Variants in MED21 observed in about 807,000 individuals in gnomAD.
The protein encoded by MED21 is mediator complex subunit 21, also known as mediator of RNA polymerase II transcription subunit 21.
In MED21, 9 loss-of-function variants were observed where a neutral mutation model predicts 18.2. That is an observed-to-expected ratio of 0.49 (90% confidence interval 0.30 to 0.86). MED21 has a LOEUF of 0.86. MED21 is among the 40% of genes least tolerant of loss of function. The pLI is 0.07. For synonymous variants in MED21, 73 were observed against 60.5 expected (o/e 1.21, Z -0.96); for missense variants, 150 against 170.9 (o/e 0.88, Z 0.68).
In MED21 at chr12:27,027,532, C is replaced by G. The variant is rs1399917108; in HGVS notation, c.258+85C>G. On this transcript the variant is annotated intron_variant, in intron 3 of 3. Transcript: ENST00000282892. Reference sequence around the variant, plus strand: ...TAGATTTAGTACCTTTTGTCTGTGTCCATTTGTGCTGCTATAACAACATAC... The same window carrying G: ...TAGATTTAGTACCTTTTGTCTGTGTGCATTTGTGCTGCTATAACAACATAC... 54 of 912,788 alleles carry G rather than the reference C, an allele frequency of 5.9e-5. No individual in the cohort carries two copies. In the South Asian group the frequency reaches 8.0e-4, roughly 14 times the overall value. 56.5% of individuals were successfully genotyped at this position (912,788 alleles called of 1,614,324 possible).
chr12:27,034,214 A>C (rs1941636133), downstream of MED21, among the ~76,000 whole-genome samples: 1 of 152,110 alleles, frequency 6.6e-6, no homozygotes, highest in Non-Finnish European at 1.5e-5. Flanking sequence ...TCAGGTGTTC[A>C]AGACCAGCCT....
chr12:27,034,983 T>G (rs2136496883), downstream of MED21, among the ~76,000 whole-genome samples: 1 of 152,190 alleles, frequency 6.6e-6, no homozygotes, highest in African/African-American at 2.4e-5. Flanking sequence ...ATTCCTGACC[T>G]TAGGTGCTCC....
chr12:27,037,967 A>G (rs1372432738), intron 2 of MED21: 3 of 152,210 alleles, frequency 2.0e-5, no homozygotes, highest in African/African-American at 4.8e-5. Context: ...GAATTTTTAA[A>G]ATATAAAGGG....
At chr12:27,032,005 T>A (rs75616562), downstream of MED21, among the ~76,000 whole-genome samples, 4,554 of 152,296 alleles carry the variant, frequency 0.03, 92 homozygotes, top group Middle Eastern at 0.082. Flanking sequence ...CCTTACTGCC[T>A]GGTACCCAGC....
rs369794834 is a variant in MED21 at position 27,026,421 on chromosome 12, T to C, written c.44T>C (p.Leu15Pro). 1.2e-6 allele frequency: 2 copies of C among 1,608,078 alleles called. No homozygotes were observed. The highest frequency in any genetic ancestry group is 2.7e-5 in the African/African-American group (2 of 74,766). The change falls in exon 2 of 4, where the codon CTT becomes CCT. Residue 15 changes from leucine to proline, a missense_variant and splice_region_variant. Leu to Pro is a moderately conservative substitution (Grantham distance 98). Transcript: ENST00000282892. Reference protein sequence around the residue: ...LTQLQDAVNSLADQFCNAIGV... With the variant: ...LTQLQDAVNSPADQFCNAIGV... ...TTGATATGTTTTCTTTGGCCTAAGCTTGCAGATCAGTTTTGTAATGCCATT... is the reference window on the plus strand; with the variant it reads ...TTGATATGTTTTCTTTGGCCTAAGCCTGCAGATCAGTTTTGTAATGCCATT...
intron 1 of MED21, chr12:27,022,930 T>C: frequency 8.1e-7 from 1 of 1,241,948 alleles, no homozygotes; most frequent in Non-Finnish European, 1.0e-6. Context: ...AGGACAGTTT[T>C]ATTTTCTTGT....
chr12:27,037,563 A>G (rs1565482798), intron 2 of MED21: 1 of 152,188 alleles, frequency 6.6e-6, no homozygotes, highest in Non-Finnish European at 1.5e-5. Flanking sequence ...TTCAGTAAAC[A>G]TGGAAAAATA....
At chr12:27,030,958 A>T (rs1941613030), downstream of MED21, among the ~76,000 whole-genome samples, 1 of 152,208 alleles carries the variant, frequency 6.6e-6, no homozygotes, top group South Asian at 2.1e-4. Context: ...TCCAGGCTGG[A>T]GTGCAATGGC....
Position 27,028,975 on chromosome 12 carries a change from A to G in MED21, c.*514A>G, listed in dbSNP as rs779483273. ...GAAATAGAGTTAGTGTGGCTGGATA[A>G]GAAAGTCACATTTATGCAAATGTTT... is the stretch of plus-strand genomic sequence containing the variant. On this transcript the variant is annotated 3_prime_UTR_variant, in exon 4 of 4. Coordinates refer to ENST00000282892, the MANE Select transcript of MED21 (RefSeq NM_004264.5). 29 of 985,442 alleles carry G rather than the reference A, an allele frequency of 2.9e-5. No individual in the cohort carries two copies. The highest frequency in any genetic ancestry group is 3.4e-5 in the Non-Finnish European group (28 of 830,016). The allele number at this position is 985,442 out of a possible 1,614,324, so 61.0% of individuals were successfully genotyped here.
At chr12:27,037,747 GTTTTA>G (rs1941658628) in intron 2 of MED21, 1 of 152,256 alleles carries the variant, frequency 6.6e-6, no homozygotes, top group African/African-American at 2.4e-5. Flanking sequence ...AAGGGCAGCT[GTTTTA>G]TTTTCTTCCT....
At chr12:27,036,018 A>T (rs537167269) in intron 2 of MED21, among the ~76,000 whole-genome samples, 4 of 152,314 alleles carry the variant, frequency 2.6e-5, no homozygotes, top group East Asian at 1.9e-4. Context: ...CACCACACTG[A>T]CTTCCACAAT....
chr12:27,027,221 C>T (rs1941557647), intron 2 of MED21, 126 bp from the exon 3 acceptor site: 2 of 587,642 alleles, frequency 3.4e-6, no homozygotes, highest in Admixed American at 5.6e-5. Flanking sequence ...GCCACCACGC[C>T]TGGCCGAATC....
downstream of MED21, among the ~76,000 whole-genome samples, chr12:27,034,018 CAA>C (rs1164133930): frequency 6.6e-6 from 1 of 152,004 alleles, no homozygotes; most frequent in Non-Finnish European, 1.5e-5. Flanking sequence ...AGTTGAGATT[CAA>C]AAAGAGTATG....
At chr12:27,032,951 C>T (rs1317527444), downstream of MED21, among the ~76,000 whole-genome samples, 2 of 152,172 alleles carry the variant, frequency 1.3e-5, no homozygotes, top group Non-Finnish European at 2.9e-5. Flanking sequence ...ACATTCCCTG[C>T]TCAGCTGTCC....
intron 3 of MED21, 151 bp from the exon 4 acceptor site, chr12:27,028,134 G>GA: frequency 9.9e-7 from 1 of 1,010,396 alleles, no homozygotes; most frequent in Non-Finnish European, 1.4e-6. Flanking sequence ...TTCACATGGG[G>GA]AAAATTCTTA....
downstream of MED21, among the ~76,000 whole-genome samples, chr12:27,034,831 AC>A (rs1458481386): frequency 6.6e-6 from 1 of 151,266 alleles, no homozygotes; most frequent in African/African-American, 2.4e-5. Context: ...GCTCACTGCA[AC>A]CTCCGTCTCC....
rs1012604781 is a variant in MED21 at position 27,027,421 on chromosome 12, A to T, written c.232A>T (p.Ser78Cys). 25 of 1,613,038 alleles carry T rather than the reference A, an allele frequency of 1.5e-5. No homozygotes were observed. The highest frequency in any genetic ancestry group is 2.1e-5 in the Non-Finnish European group (25 of 1,179,302). ...TGATGTTTTGATAGATTCCTTACCC[A>T]GTGAAGAATCTACAGCTGCTTTACA... ...DIDVLIDSLP[S>C]EESTAALQAA... The change falls in exon 3 of 4, where the codon AGT becomes TGT. Residue 78 changes from serine to cysteine, a missense_variant. Physicochemically the swap from Ser to Cys is moderately radical, Grantham distance 112 (BLOSUM62 -1). Transcript: ENST00000282892.
chr12:27,031,203 G>A (rs1477873712), downstream of MED21, among the ~76,000 whole-genome samples: 2 of 152,128 alleles, frequency 1.3e-5, no homozygotes, highest in East Asian at 1.9e-4. Context: ...CACTGCACCC[G>A]GCCAGGAGCC....
chr12:27,026,363 A>G, intron 1 of MED21, 57 bp from the exon 2 acceptor site: 2 of 1,061,252 alleles, frequency 1.9e-6, no homozygotes, highest in South Asian at 1.4e-5. Context: ...CATTACCAAT[A>G]AAGTCCTTAA....
Sources: allele counts gnomAD v4.1 joint callset (sites outside exome capture counted in the v4.1 genomes callset), GRCh38; gene constraint gnomAD v4.1.1; transcripts MANE v1.5; gene names NCBI Gene and HGNC (gene_info 2026-07-23, HGNC 2026-07-21).